ECD: variants seen among roughly 807,000 people sequenced by gnomAD.
ECD encodes the protein protein ecdysoneless homolog.
ECD carries 59 observed loss-of-function variants against 77.2 expected under a neutral mutation model. The observed-to-expected ratio is 0.76, with a 90% confidence interval of 0.62 to 0.95. The LOEUF (loss-of-function observed/expected upper bound fraction) is 0.95. Ranked by LOEUF, ECD falls within the 40% of genes least tolerant of loss-of-function variation. The pLI is 0.00. For synonymous variants in ECD, 233 were observed against 267.4 expected (o/e 0.87, Z 1.26); for missense variants, 704 against 763.4 (o/e 0.92, Z 0.92).
chr10:73,143,544 T>A (rs1843085608), intron 9 of ECD, among the ~76,000 whole-genome samples: 1 of 152,178 alleles, frequency 6.6e-6, no homozygotes, highest in South Asian at 2.1e-4. Context: ...TTCATTTTCA[T>A]TTTTAATTTT....
chr10:73,138,930 T>G (rs1843012992), intron 11 of ECD, among the ~76,000 whole-genome samples: 1 of 150,808 alleles, frequency 6.6e-6, no homozygotes, highest in Admixed American at 6.6e-5. Context: ...ATATTTCTGT[T>G]ATTATTTCTG....
At chr10:73,143,390 A>G (rs12261324) in intron 9 of ECD, among the ~76,000 whole-genome samples, 15,972 of 151,466 alleles carry the variant, frequency 0.11, 1,233 homozygotes, top group East Asian at 0.31. Flanking sequence ...CTGGTCTTGA[A>G]CTCCTGACCT....
At chr10:73,167,813 C>G (rs1204578727) in intron 1 of ECD, 53 bp downstream of exon 1, 1 of 157,640 alleles carries the variant, frequency 6.3e-6, no homozygotes, top group African/African-American at 2.4e-5. Flanking sequence ...GTGCTCTTTC[C>G]CCAGTCTAGG....
chr10:73,160,362 A>G, intron 3 of ECD, 72 bp downstream of exon 3: 1 of 1,025,156 alleles, frequency 9.8e-7, no homozygotes, highest in South Asian at 1.7e-5. Flanking sequence ...ATAAATTACT[A>G]AATAGATAAA....
chr10:73,135,910 G>C (rs1022377215), intron 13 of ECD, among the ~76,000 whole-genome samples: 2 of 152,042 alleles, frequency 1.3e-5, no homozygotes, highest in African/African-American at 4.8e-5. Context: ...ACTAGATTTT[G>C]ACAATTCTGG....
At chr10:73,161,230 G>A (rs1843372892) in intron 2 of ECD, among the ~76,000 whole-genome samples, 1 of 150,114 alleles carries the variant, frequency 6.7e-6, no homozygotes, top group South Asian at 2.1e-4. Context: ...CATTACAGCA[G>A]AGAGAAATAT....
intron 11 of ECD, among the ~76,000 whole-genome samples, chr10:73,138,853 C>T (rs778580554): frequency 9.8e-4 from 150 of 152,318 alleles, no homozygotes; most frequent in Middle Eastern, 6.8e-3. Context: ...GCATGAGCCA[C>T]CGCGCCCAGC....
chr10:73,152,212 G>T, intron 7 of ECD, 81 bp downstream of exon 7: 7 of 1,501,414 alleles, frequency 4.7e-6, no homozygotes, highest in South Asian at 3.7e-5. Flanking sequence ...TGTATTTCTG[G>T]ACTTTGTATA....
At chr10:73,148,991 C>A (rs1315052820) in intron 7 of ECD, among the ~76,000 whole-genome samples, 1 of 152,144 alleles carries the variant, frequency 6.6e-6, no homozygotes, top group Non-Finnish European at 1.5e-5. Flanking sequence ...CTACTCCACC[C>A]CTTTTGTTGC....
intron 13 of ECD, among the ~76,000 whole-genome samples, chr10:73,135,308 T>G (rs1842962875): frequency 6.6e-6 from 1 of 152,192 alleles, no homozygotes; most frequent in African/African-American, 2.4e-5. Context: ...GGGCCTCTGA[T>G]TCCACAAGCT....
Position 73,148,351 on chromosome 10 carries a change from G to T in ECD, c.966C>A (p.Cys322Ter). Reference sequence around the variant, plus strand: ...GTGAGGCAGTCACAAGGGATTTCTTGCAGTCAGAAAAATGTGGGCTACATT... The same window carrying T: ...GTGAGGCAGTCACAAGGGATTTCTTTCAGTCAGAAAAATGTGGGCTACATT... ...CSKCSPHFSD[C>*]KKSLVTASPL... The change falls in exon 8 of 14, where the codon TGC becomes TGA. Residue 322 changes from cysteine to a stop codon, truncating the protein, a stop_gained. Transcript: ENST00000372979. LOFTEE classifies it high-confidence loss of function. 2 of 1,613,900 alleles carry T rather than the reference G, an allele frequency of 1.2e-6. No individual in the cohort carries two copies. Among genetic ancestry groups the T allele is most frequent in the Non-Finnish European group, 1.7e-6 (2 of 1,179,880 alleles).
intron 11 of ECD, among the ~76,000 whole-genome samples, chr10:73,138,712 G>A (rs949752284): frequency 2.6e-5 from 4 of 152,020 alleles, no homozygotes; most frequent in African/African-American, 7.2e-5. Flanking sequence ...GATTATAGGC[G>A]TGCGCCACCA....
At chr10:73,167,566 A>G (rs957135584) in intron 1 of ECD, among the ~76,000 whole-genome samples, 5 of 152,036 alleles carry the variant, frequency 3.3e-5, no homozygotes, top group African/African-American at 1.2e-4. Flanking sequence ...CTTCTTATCC[A>G]GACACCCACT....
intron 1 of ECD, among the ~76,000 whole-genome samples, chr10:73,166,287 G>A (rs1185195917): frequency 6.6e-6 from 1 of 152,130 alleles, no homozygotes; most frequent in African/African-American, 2.4e-5. Context: ...GATAAACATG[G>A]GAGTGCAGAT....
At chr10:73,151,429 TGAC>T (rs1198360128) in intron 7 of ECD, among the ~76,000 whole-genome samples, 2 of 151,408 alleles carry the variant, frequency 1.3e-5, no homozygotes, top group African/African-American at 4.9e-5. Flanking sequence ...CTAATATAAA[TGAC>T]GAGTTAATGG....
At chr10:73,135,487 G>T (rs113768624) in intron 13 of ECD, among the ~76,000 whole-genome samples, 1 of 152,086 alleles carries the variant, frequency 6.6e-6, no homozygotes, top group African/African-American at 2.4e-5. Context: ...GGGAGGCTGA[G>T]GTGGGTGGAT....
intron 9 of ECD, among the ~76,000 whole-genome samples, chr10:73,143,705 T>C (rs1843087424): frequency 1.3e-5 from 2 of 152,070 alleles, no homozygotes; most frequent in Admixed American, 1.3e-4. Context: ...TTACACTCTA[T>C]GTTAAATGTA....
rs750300891 is a variant in ECD at position 73,138,003 on chromosome 10, C to G, written c.1489G>C (p.Gly497Arg). ...SFLNYFDKIL[G>R]PRPNESDSDD... ...AAGTCAACATCACACCACTACTTAC[C>G]TAAAATCTTATCAAAATAATTAAGA... The change falls in exon 12 of 14, where the codon GGG becomes CGG. Residue 497 changes from glycine to arginine, a missense_variant and splice_region_variant. Transcript: ENST00000372979. 1 of 1,592,386 alleles carries G rather than the reference C, an allele frequency of 6.3e-7. No individual in the cohort carries two copies.
chr10:73,134,324 G>C lies in ECD; in HGVS notation c.*259C>G, dbSNP rs1178931459. 2.3e-6 allele frequency: 1 copy of C among 442,510 alleles called. No individual in the cohort carries two copies. Among genetic ancestry groups the C allele is most frequent in the Non-Finnish European group, 4.1e-6 (1 of 245,326 alleles). The allele number at this position is 442,510 out of a possible 1,614,324, so 27.4% of individuals were successfully genotyped here. The stretch of plus-strand genomic sequence containing the variant: ...TATATTGTGGTAGGGTATGTCTTTA[G>C]CATGAAGTGTGTGAATTTCATCTCA... On this transcript the variant is annotated 3_prime_UTR_variant, in exon 14 of 14. Coordinates refer to ENST00000372979, the MANE Select transcript of ECD (RefSeq NM_007265.3).
Sources: gnomAD v4.1 joint callset for allele counts (sites outside exome capture counted in the v4.1 genomes callset) on GRCh38, gnomAD v4.1.1 for gene constraint, MANE v1.5 for transcripts, NCBI Gene and HGNC (gene_info 2026-07-23, HGNC 2026-07-21) for gene names.